L3MBTL1: variants seen among roughly 807,000 people sequenced by gnomAD.
L3MBTL1 encodes the protein L3MBTL histone methyl-lysine binding protein 1.
A neutral mutation model predicts 105.3 loss-of-function variants in L3MBTL1; 75 were observed. That is an observed-to-expected ratio of 0.71 (90% CI 0.59 to 0.86). The LOEUF is 0.86. Among genes scored for constraint, L3MBTL1 ranks in the 40% least tolerant of loss-of-function variants. L3MBTL1 has a pLI of 0.00. For synonymous variants in L3MBTL1, 452 were observed against 436.2 expected (o/e 1.04, Z -0.45); for missense variants, 1,069 against 1,126.4 (o/e 0.95, Z 0.73).
rs564446840 is a variant in L3MBTL1, at chr20:43,509,769, G to C, written c.-29+2025G>C. Among the ~76,000 whole-genome samples the C allele has an allele frequency of 2.6e-5, 4 of 152,330 alleles. No homozygotes were observed. The South Asian group carries it at 8.3e-4, about 32-fold the overall frequency. On this transcript the variant is annotated intron_variant, in intron 1 of 21. Transcript: ENST00000418998. Reference sequence around the variant, plus strand: ...CAAATCCAGCTTCTTCAATAGACCTGAGATGTGACAGGTTTTGACACAGAG... The same window carrying C: ...CAAATCCAGCTTCTTCAATAGACCTCAGATGTGACAGGTTTTGACACAGAG...
exon 19 of L3MBTL1, chr20:43,549,034 T>G (rs1978813908): frequency 6.6e-6 from 1 of 152,276 alleles, no homozygotes; most frequent in Non-Finnish European, 1.5e-5. Context: ...GAGGTTGAGG[T>G]TCCACTGCTG....
chr20:43,522,320 A>C (rs2018754721), intron 7 of L3MBTL1, among the ~76,000 whole-genome samples: 1 of 152,032 alleles, frequency 6.6e-6, no homozygotes, highest in Admixed American at 6.6e-5. Flanking sequence ...GCTTCACTGC[A>C]CTCCAGTCTG....
At chr20:43,514,379 G>A in intron 3 of L3MBTL1, 1 of 1,392,420 alleles carries the variant, frequency 7.2e-7, no homozygotes, top group Non-Finnish European at 9.4e-7. Context: ...GGGTACCGTG[G>A]GACTGGGCCT....
intron 7 of L3MBTL1, among the ~76,000 whole-genome samples, chr20:43,523,788 G>GT (rs2018864691): frequency 6.6e-6 from 1 of 152,144 alleles, no homozygotes; most frequent in Non-Finnish European, 1.5e-5. Flanking sequence ...GAGGTCAGGA[G>GT]TTTGAGACCA....
chr20:43,540,283 C>T lies in L3MBTL1; in HGVS notation c.2306C>T (p.Thr769Ile). 6.2e-7 allele frequency: 1 copy of T among 1,613,822 alleles called. No homozygotes were observed. ...GGAGTAGCGGGCATCTCAGCCTCGA[C>T]AGTCGCCAAGTGGACCATCGATGAG... Reference protein sequence around the residue: ...LPGVAGISASTVAKWTIDEVF... With the variant: ...LPGVAGISASIVAKWTIDEVF... Residue 769 changes from threonine (T) to isoleucine (I), a missense_variant, in exon 20 of 22, where the codon ACA becomes ATA. Transcript: ENST00000418998.
At position 43,530,273 on chromosome 20, in the gene L3MBTL1, C is replaced by G. The variant is rs779371216; in HGVS notation, c.1057-11C>G. 10 of 1,613,428 alleles carry G rather than the reference C, an allele frequency of 6.2e-6. No homozygotes were observed. The highest frequency in any genetic ancestry group is 3.3e-4 in the Middle Eastern group (2 of 6,074). ...TGACATTGGAGTTCCTGATTCCCCT[C>G]ATGGGGCCAGGTATGTGGCTATCGC... On this transcript the variant is annotated splice_polypyrimidine_tract_variant and intron_variant, in intron 9 of 21. Transcript: ENST00000418998.
In L3MBTL1 at chr20:43,534,033, T is replaced by C. The variant is rs751859951; in HGVS notation, c.1539T>C (p.Cys513=). 1 of 1,613,974 alleles carries C rather than the reference T, an allele frequency of 6.2e-7. No individual in the cohort carries two copies. Among genetic ancestry groups the C allele is most frequent in the East Asian group, 2.2e-5 (1 of 44,888 alleles). The part of the protein sequence containing the change: ...PQDYPDPDNF[C]WEKYLEETGA... ...ACTACCCAGACCCTGATAACTTCTG[T>C]TGGGAGAAATATCTGGAAGAAACTG... The change falls in exon 14 of 22, where the codon TGT becomes TGC. Residue 513 remains cysteine (C), a synonymous_variant. Coordinates refer to ENST00000418998, the MANE Select transcript of L3MBTL1 (RefSeq NM_001377303.1).
chr20:43,522,269 CACTT>C (rs2018750443), intron 7 of L3MBTL1, among the ~76,000 whole-genome samples: 2 of 151,984 alleles, frequency 1.3e-5, no homozygotes, highest in African/African-American at 4.8e-5. Flanking sequence ...GCAGGAGAAT[CACTT>C]AAACCCGTGA....
rs1018978874 is a variant in L3MBTL1 at position 43,513,424 on chromosome 20, C to T, written c.-28-52C>T. 46 of 1,493,390 alleles carry T rather than the reference C, an allele frequency of 3.1e-5. 1 individual carries two copies. In the South Asian group the frequency reaches 5.4e-4, roughly 18 times the overall value. The allele number at this position is 1,493,390 out of a possible 1,614,324, so 92.5% of individuals were successfully genotyped here. ...CCATCCCTTCACATCTCCATTGCTGCTGTAACAAAGGTCCCCACCTGATCA... is the reference window on the plus strand; with the variant it reads ...CCATCCCTTCACATCTCCATTGCTGTTGTAACAAAGGTCCCCACCTGATCA... On this transcript the variant is annotated intron_variant, in intron 1 of 21. Transcript: ENST00000418998.
exon 19 of L3MBTL1, chr20:43,549,459 C>T (rs920960807): frequency 7.9e-5 from 12 of 152,320 alleles, no homozygotes; most frequent in African/African-American, 2.9e-4. Flanking sequence ...TGCCGCTCTC[C>T]ATCTGTCTTG....
In L3MBTL1 at chr20:43,533,331, T is replaced by C; in HGVS notation, c.1437-11T>C. The C allele has an allele frequency of 6.2e-7, 1 of 1,612,842 alleles. No individual in the cohort carries two copies. The highest frequency in any genetic ancestry group is 1.1e-5 in the South Asian group (1 of 90,924). ...TTTCTCTTGGGACAGTGACATGTTC[T>C]TGGATTTCAGGTGTGATCCCAGCAG... On this transcript the variant is annotated splice_polypyrimidine_tract_variant and intron_variant, in intron 12 of 21. Transcript: ENST00000418998.
chr20:43,536,630 G>T (rs571488208), intron 19 of L3MBTL1, among the ~76,000 whole-genome samples, 172 bp downstream of exon 19: 3 of 152,290 alleles, frequency 2.0e-5, no homozygotes, highest in East Asian at 3.9e-4. Context: ...CAGTGGAGGG[G>T]CCTTGAGTGA....
rs2018478799 is a variant in L3MBTL1, at chr20:43,517,798, C to A, written c.862+1621C>A. Among the ~76,000 whole-genome samples, 4 of 152,150 alleles carry A rather than the reference C, an allele frequency of 2.6e-5. No homozygotes were observed. The South Asian group carries it at 8.3e-4, about 32-fold the overall frequency. On this transcript the variant is annotated intron_variant, in intron 7 of 21. Coordinates refer to ENST00000418998, the MANE Select transcript of L3MBTL1 (RefSeq NM_001377303.1). ...AGGACATTATCCTGCCTTGATGGAT[C>A]CAGTGCCAGCTGGAGGAGCCCAATC...
chr20:43,533,579 C>G (rs138202245), intron 13 of L3MBTL1, among the ~76,000 whole-genome samples, 161 bp downstream of exon 13: 14 of 152,262 alleles, frequency 9.2e-5, no homozygotes, highest in African/African-American at 3.4e-4. Flanking sequence ...GAGTTGAGAA[C>G]CCTTTGATTT....
chr20:43,531,580 G>A (rs1474546741), intron 11 of L3MBTL1: 2 of 152,216 alleles, frequency 1.3e-5, no homozygotes, highest in Non-Finnish European at 2.9e-5. Context: ...GCTGGGCGTG[G>A]TGGTGGGTGT....
chr20:43,546,651 C>T (rs186002328), downstream of L3MBTL1, among the ~76,000 whole-genome samples: 6 of 152,232 alleles, frequency 3.9e-5, no homozygotes, highest in East Asian at 1.2e-3. Flanking sequence ...TTGACCCCCA[C>T]AGCCTGCCTC....
chr20:43,547,186 G>C (rs1485438859), intron 18 of L3MBTL1, among the ~76,000 whole-genome samples: 2 of 147,302 alleles, frequency 1.4e-5, no homozygotes, highest in African/African-American at 2.5e-5. Context: ...CTCACTGCAA[G>C]CTCCGCCTCC....
At chr20:43,512,068 G>GCC (rs2018148887) in intron 1 of L3MBTL1, among the ~76,000 whole-genome samples, 2 of 152,192 alleles carry the variant, frequency 1.3e-5, no homozygotes, top group Non-Finnish European at 2.9e-5. Flanking sequence ...TGATTTTACT[G>GCC]TAAGGGCAAT....
At chr20:43,539,895 T>C in intron 19 of L3MBTL1, 1 of 575,742 alleles carries the variant, frequency 1.7e-6, no homozygotes, top group Non-Finnish European at 3.2e-6. Flanking sequence ...TGGTGCAGCC[T>C]CAGAGAGACG....
Sources: gnomAD v4.1 joint callset for allele counts (sites outside exome capture counted in the v4.1 genomes callset) on GRCh38, gnomAD v4.1.1 for gene constraint, MANE v1.5 for transcripts, NCBI Gene and HGNC (gene_info 2026-07-23, HGNC 2026-07-21) for gene names.